The following TMEM167B variants were observed in gnomAD, a reference collection of about 807,000 sequenced individuals.
The protein encoded by TMEM167B is transmembrane protein 167B, also known as protein kish-B.
Under a neutral mutation model 9.4 loss-of-function variants are expected in TMEM167B, and 2 were observed. The ratio of observed to expected loss-of-function variants is 0.21; its 90% CI spans 0.09 to 0.67. The LOEUF (loss-of-function observed/expected upper bound fraction) is 0.67, where lower values mean the gene tolerates loss of function less well. TMEM167B is among the 30% of genes least tolerant of loss of function. TMEM167B has a pLI of 0.82. For missense variants in TMEM167B, 68 were observed against 87.6 expected (o/e 0.78, Z 0.89); for synonymous variants, 28 against 32.0 (o/e 0.87, Z 0.42).
In TMEM167B at chr1:109,092,992, A is replaced by G; in HGVS notation, c.113A>G (p.Lys38Arg). 3 of 1,614,182 alleles carry G rather than the reference A, an allele frequency of 1.9e-6. No homozygotes were observed. The highest frequency in any genetic ancestry group is 2.5e-6 in the Non-Finnish European group (3 of 1,180,040). Residue 38 changes from lysine (K) to arginine (R), a missense_variant, in exon 2 of 3, where the codon AAG becomes AGG. Coordinates refer to ENST00000338272, the MANE Select transcript of TMEM167B (RefSeq NM_020141.4). ...CTCAAAACCTGGCTGCTATCAGAGAAGAAGGGTGTTTGGGGTGTGTTTTAC... is the reference window on the plus strand; with the variant it reads ...CTCAAAACCTGGCTGCTATCAGAGAGGAAGGGTGTTTGGGGTGTGTTTTAC... ...PRLKTWLLSEKKGVWGVFYKA... is the reference protein window; with the variant it reads ...PRLKTWLLSERKGVWGVFYKA...
Position 109,090,978 on chromosome 1 carries a change from C to G in TMEM167B, c.10+96C>G, listed in dbSNP as rs1040773010. The G allele has an allele frequency of 3.5e-6, 5 of 1,436,742 alleles. No homozygotes were observed. The African/African-American group carries it at 4.3e-5, about 12-fold the overall frequency. 89.0% of individuals were successfully genotyped at this position (1,436,742 alleles called of 1,614,324 possible). A position where few individuals can be genotyped will look rare whatever the true frequency, so the allele number is the denominator to read the frequency against. ...ACTGACGTGGCCGTTCTCCCCGCCCCCTCCCAGCCCGGCCCCCCTTGGCCT... is the reference window on the plus strand; with the variant it reads ...ACTGACGTGGCCGTTCTCCCCGCCCGCTCCCAGCCCGGCCCCCCTTGGCCT... On this transcript the variant is annotated intron_variant, in intron 1 of 2. Transcript: ENST00000338272.
At chr1:109,091,726 G>C (rs1664454833) in intron 1 of TMEM167B, 1 of 152,246 alleles carries the variant, frequency 6.6e-6, no homozygotes, top group African/African-American at 2.4e-5. Context: ...AAACTTATGA[G>C]AGAAAAGGGG....
At chr1:109,094,316 T>G in intron 2 of TMEM167B, 101 bp from the exon 3 acceptor site, 4 of 1,162,548 alleles carry the variant, frequency 3.4e-6, no homozygotes, top group Non-Finnish European at 3.8e-6. Flanking sequence ...CTTGAGAGCG[T>G]TGATATGTCT....
chr1:109,093,312 T>C (rs886945652), intron 2 of TMEM167B: 3 of 299,132 alleles, frequency 1.0e-5, no homozygotes, highest in Non-Finnish European at 1.9e-5. Flanking sequence ...GGCAACACAG[T>C]GAGACCCCAT....
At chr1:109,091,972 T>C (rs1401596261) in intron 1 of TMEM167B, among the ~76,000 whole-genome samples, 1 of 152,216 alleles carries the variant, frequency 6.6e-6, no homozygotes, top group African/African-American at 2.4e-5. Context: ...GAAGACAGAA[T>C]CTGAACCAGG....
At chr1:109,093,980 T>TA in intron 2 of TMEM167B, among the ~76,000 whole-genome samples, 1 of 151,848 alleles carries the variant, frequency 6.6e-6, no homozygotes, top group Non-Finnish European at 1.5e-5. Flanking sequence ...CTACTAAAAA[T>TA]ACAAAAATTA....
At position 109,090,852 on chromosome 1, in the gene TMEM167B, C is replaced by T; in HGVS notation, c.-21C>T. ...TTACCACTGAACCCGGACCCCCTAC[C>T]CAGGTCCAGGGCCAGCCGCCATGAC... is the stretch of plus-strand genomic sequence containing the variant. On this transcript the variant is annotated 5_prime_UTR_variant, in exon 1 of 3. Transcript: ENST00000338272. 1 of 1,587,476 alleles carries T rather than the reference C, an allele frequency of 6.3e-7. No homozygotes were observed. Among genetic ancestry groups the T allele is most frequent in the South Asian group, 1.1e-5 (1 of 87,060 alleles).
At chr1:109,090,923 C>T in intron 1 of TMEM167B, 41 bp downstream of exon 1, 2 of 1,570,214 alleles carry the variant, frequency 1.3e-6, no homozygotes, top group South Asian at 2.3e-5. Context: ...GAGTGAAGGA[C>T]GAAGGGAAAA....
chr1:109,091,438 T>C (rs1198990647), intron 1 of TMEM167B, among the ~76,000 whole-genome samples: 1 of 152,198 alleles, frequency 6.6e-6, no homozygotes, highest in Non-Finnish European at 1.5e-5. Context: ...AAAGGGTGGA[T>C]TTAGACACTG....
chr1:109,093,084 TAGG>T, intron 2 of TMEM167B, 63 bp downstream of exon 2: 1 of 1,595,808 alleles, frequency 6.3e-7, no homozygotes, highest in Non-Finnish European at 8.5e-7. Context: ...AGCTACAAAG[TAGG>T]GAGTACAGTG....
intron 1 of TMEM167B, among the ~76,000 whole-genome samples, chr1:109,091,181 A>G (rs1005345248): frequency 6.6e-5 from 10 of 152,122 alleles, no homozygotes; most frequent in African/African-American, 2.4e-4. Flanking sequence ...TCCCAGAGGT[A>G]CTACTGCTAT....
Position 109,096,531 on chromosome 1 carries a change from G to T in TMEM167B, c.*2032G>T, listed in dbSNP as rs1284247832. 6.6e-6 allele frequency: 1 copy of T among 152,240 alleles called. No homozygotes were observed. The highest frequency in any genetic ancestry group is 1.5e-5 in the Non-Finnish European group (1 of 68,032). The allele number at this position is 152,240 out of a possible 1,614,324, so 9.4% of individuals were successfully genotyped here. On this transcript the variant is annotated 3_prime_UTR_variant, in exon 3 of 3. Coordinates refer to ENST00000338272, the MANE Select transcript of TMEM167B (RefSeq NM_020141.4). ...GTTTTTACAGCCTCCTGGGTGGGTC[G>T]TCTTGACCCAAACTCTTGTGTTGTT...
At chr1:109,092,581 T>A (rs1023393368) in intron 1 of TMEM167B, among the ~76,000 whole-genome samples, 27 of 151,306 alleles carry the variant, frequency 1.8e-4, no homozygotes, top group South Asian at 1.0e-3. Context: ...AAAAAAAAAA[T>A]TTTTTTTTGA....
rs998688159 is a variant in TMEM167B at position 109,096,431 on chromosome 1, A to G, written c.*1932A>G. On this transcript the variant is annotated 3_prime_UTR_variant, in exon 3 of 3. Transcript: ENST00000338272. ...ATGATTTTTGTTTTCTAATAGGGCA[A>G]ATGTCTCTAAGCTTGGTGTTTAGAG... 4.6e-5 allele frequency: 7 copies of G among 152,192 alleles called. No homozygotes were observed. Among genetic ancestry groups the G allele is most frequent in the Non-Finnish European group, 7.3e-5 (5 of 68,036 alleles). The allele number at this position is 152,192 out of a possible 1,614,324, so 9.4% of individuals were successfully genotyped here. A position where few individuals can be genotyped will look rare whatever the true frequency, so the allele number is the denominator to read the frequency against.
At chr1:109,092,841 C>T in intron 1 of TMEM167B, 49 bp from the exon 2 acceptor site, 2 of 1,601,070 alleles carry the variant, frequency 1.2e-6, no homozygotes, top group Non-Finnish European at 1.7e-6. Context: ...GATCACAGGT[C>T]CGACGCTAGA....
chr1:109,096,530 C>T lies in TMEM167B; in HGVS notation c.*2031C>T, dbSNP rs1336381539. ...AGTTTTTACAGCCTCCTGGGTGGGT[C>T]GTCTTGACCCAAACTCTTGTGTTGT... On this transcript the variant is annotated 3_prime_UTR_variant, in exon 3 of 3. Coordinates refer to ENST00000338272, the MANE Select transcript of TMEM167B (RefSeq NM_020141.4). 1 of 152,142 alleles carries T rather than the reference C, an allele frequency of 6.6e-6. No homozygotes were observed. The highest frequency in any genetic ancestry group is 6.5e-5 in the Admixed American group (1 of 15,274). 9.4% of individuals were successfully genotyped at this position (152,142 alleles called of 1,614,324 possible). A position where few individuals can be genotyped will look rare whatever the true frequency, so the allele number is the denominator to read the frequency against.
chr1:109,091,111 C>T lies in TMEM167B; in HGVS notation c.10+229C>T, dbSNP rs145552847. Among the ~76,000 whole-genome samples, 94 of 152,288 alleles carry T rather than the reference C, an allele frequency of 6.2e-4. 2 individuals are homozygous for T. The East Asian group carries it at 0.018, about 29-fold the overall frequency. On this transcript the variant is annotated intron_variant, in intron 1 of 2. Coordinates refer to ENST00000338272, the MANE Select transcript of TMEM167B (RefSeq NM_020141.4). ...TATGCTCACACCTCGAGTTATCTAT[C>T]CCTATGCTTTGCTTTCCCTTTTCTT...
intron 2 of TMEM167B, among the ~76,000 whole-genome samples, chr1:109,094,202 C>A (rs1475797458): frequency 1.3e-5 from 2 of 152,152 alleles, no homozygotes; most frequent in Admixed American, 6.6e-5. Flanking sequence ...ATTGCTTGAA[C>A]CCGGGTGGCA....
chr1:109,094,320 T>C, intron 2 of TMEM167B, 97 bp from the exon 3 acceptor site: 1 of 1,194,590 alleles, frequency 8.4e-7, no homozygotes, highest in Non-Finnish European at 1.2e-6. Context: ...AGAGCGTTGA[T>C]ATGTCTGTCT....
Sources: gnomAD v4.1 joint callset for allele counts (sites outside exome capture counted in the v4.1 genomes callset) on GRCh38, gnomAD v4.1.1 for gene constraint, MANE v1.5 for transcripts, NCBI Gene and HGNC (gene_info 2026-07-23, HGNC 2026-07-21) for gene names.